Variants in SETX observed in about 807,000 individuals in gnomAD.
SETX encodes the protein senataxin.
SETX carries 90 observed loss-of-function variants against 227.2 expected under a neutral mutation model. The ratio of observed to expected loss-of-function variants is 0.40; its 90% confidence interval spans 0.33 to 0.47. SETX has a LOEUF of 0.47. Ranked by LOEUF, SETX falls within the 20% of genes least tolerant of loss-of-function variation. The probability of loss-of-function intolerance (pLI) is 0.91; values close to 1 mark genes in which losing one functional copy is unlikely to be tolerated. For missense variants in SETX, 3,052 were observed against 3,181.5 expected (o/e 0.96, Z 0.98); for synonymous variants, 1,210 against 1,113.2 (o/e 1.09, Z -1.73).
At position 132,278,771 on chromosome 9, in the gene SETX, G is replaced by T. The variant is rs566791240; in HGVS notation, c.6655-514C>A. Among the ~76,000 whole-genome samples, 9 of 152,312 alleles carry T rather than the reference G, an allele frequency of 5.9e-5. No individual in the cohort carries two copies. In the South Asian group the frequency reaches 1.9e-3, roughly 32 times the overall value. On this transcript the variant is annotated intron_variant, in intron 20 of 25. Transcript: ENST00000224140. Reference sequence around the variant, plus strand: ...CCAGTAATAAAGGAAATGTAACACAGATTTTAACAATTATTTCTGGGGGTA... The same window carrying T: ...CCAGTAATAAAGGAAATGTAACACATATTTTAACAATTATTTCTGGGGGTA...
Position 132,298,318 on chromosome 9 carries a change from A to G in SETX, c.5549-6T>C. The G allele has an allele frequency of 6.2e-7, 1 of 1,612,536 alleles. No individual in the cohort carries two copies. Among genetic ancestry groups the G allele is most frequent in the Non-Finnish European group, 8.5e-7 (1 of 1,178,700 alleles). ...CTCAGTTTTCCCATTACGCACTATC[A>G]TCAAGAAAGAGAAAAAGCAACTTCA... On this transcript the variant is annotated splice_region_variant and splice_polypyrimidine_tract_variant and intron_variant, in intron 12 of 25. Transcript: ENST00000224140.
At position 132,327,661 on chromosome 9, in the gene SETX, G is replaced by C. The variant is rs761226927; in HGVS notation, c.3937C>G (p.His1313Asp). The change falls in exon 10 of 26, where the codon CAT becomes GAT. Residue 1313 changes from histidine to aspartate, a missense_variant. By Grantham distance (81) the His-to-Asp change is moderately conservative. Transcript: ENST00000224140. ...TCAACTACTCCAACAGTTTTGCCATGATCACGTAATTGAGCTACATAATCC... is the reference window on the plus strand; with the variant it reads ...TCAACTACTCCAACAGTTTTGCCATCATCACGTAATTGAGCTACATAATCC... ...SLDYVAQLRDHGKTVGVVDTR... is the reference protein window; with the variant it reads ...SLDYVAQLRDDGKTVGVVDTR... 6.2e-7 allele frequency: 1 copy of C among 1,613,866 alleles called. No homozygotes were observed. The highest frequency in any genetic ancestry group is 8.5e-7 in the Non-Finnish European group (1 of 1,179,942).
At chr9:132,343,923 C>A (rs1848138623) in intron 4 of SETX, among the ~76,000 whole-genome samples, 1 of 152,040 alleles carries the variant, frequency 6.6e-6, no homozygotes, top group African/African-American at 2.4e-5. Flanking sequence ...TCCTACAGGG[C>A]AAATATATGG....
chr9:132,288,067 T>C (rs1345661854), intron 17 of SETX, among the ~76,000 whole-genome samples, 169 bp downstream of exon 17: 1 of 151,916 alleles, frequency 6.6e-6, no homozygotes, highest in African/African-American at 2.4e-5. Flanking sequence ...TCCCACCTAC[T>C]CGGGAGGCTG....
At chr9:132,344,987 A>G (rs971812716) in intron 4 of SETX, among the ~76,000 whole-genome samples, 4 of 152,362 alleles carry the variant, frequency 2.6e-5, no homozygotes, top group East Asian at 1.9e-4. Context: ...GACAGCTATA[A>G]TAAGCCATGC....
In SETX at chr9:132,349,393, A is replaced by G. The variant is rs1198947358; in HGVS notation, c.36T>C (p.Ala12=). Residue 12 remains alanine, a synonymous_variant, in exon 3 of 26, where the codon GCT becomes GCC. Coordinates refer to ENST00000224140, the MANE Select transcript of SETX (RefSeq NM_015046.7). The stretch of plus-strand genomic sequence containing the variant: ...AGCGCTTTAGGAAGTCAATGGTGGA[A>G]GCACCACCTGGCGTACACCAACAAC... ...STCCWCTPGG[A]STIDFLKRYA... is the part of the protein sequence containing the mutation. 14 of 1,614,084 alleles carry G rather than the reference A, an allele frequency of 8.7e-6. No individual in the cohort carries two copies. The highest frequency in any genetic ancestry group is 1.3e-5 in the African/African-American group (1 of 74,932).
chr9:132,283,484 T>C (rs1843659085), intron 18 of SETX, 71 bp from the exon 19 acceptor site: 4 of 1,524,948 alleles, frequency 2.6e-6, no homozygotes, highest in South Asian at 2.3e-5. Context: ...CTATGTTTAC[T>C]ATAAAACACT....
At chr9:132,276,982 G>C in intron 22 of SETX, 78 bp downstream of exon 22, 1 of 1,227,870 alleles carries the variant, frequency 8.1e-7, no homozygotes, top group South Asian at 1.2e-5. Context: ...TATAGGAAAT[G>C]TATTTAACAG....
chr9:132,341,468 T>C (rs999162447), intron 5 of SETX, among the ~76,000 whole-genome samples: 2 of 152,120 alleles, frequency 1.3e-5, no homozygotes, highest in Non-Finnish European at 2.9e-5. Flanking sequence ...CTCCCCTTCC[T>C]AAATATAAAT....
chr9:132,339,732 C>T (rs905367707), intron 5 of SETX, among the ~76,000 whole-genome samples: 1 of 152,154 alleles, frequency 6.6e-6, no homozygotes, highest in African/African-American at 2.4e-5. Context: ...CCTGCCTCAG[C>T]CTCCCAGGTA....
intron 11 of SETX, among the ~76,000 whole-genome samples, chr9:132,302,229 C>T (rs1845037508): frequency 6.6e-6 from 1 of 151,660 alleles, no homozygotes; most frequent in South Asian, 2.1e-4. Flanking sequence ...TGGTGGCAGG[C>T]ATCTGTAGTC....
intron 2 of SETX, among the ~76,000 whole-genome samples, chr9:132,351,990 T>C (rs1848628398): frequency 6.6e-6 from 1 of 152,220 alleles, no homozygotes; most frequent in Non-Finnish European, 1.5e-5. Flanking sequence ...TTCTACAGAC[T>C]TATCCTTAGG....
At chr9:132,351,671 T>G (rs1487031259) in intron 2 of SETX, among the ~76,000 whole-genome samples, 1 of 152,198 alleles carries the variant, frequency 6.6e-6, no homozygotes, top group East Asian at 1.9e-4. Flanking sequence ...AAATCATCAC[T>G]GGCCTAATGG....
intron 4 of SETX, among the ~76,000 whole-genome samples, chr9:132,345,746 G>A (rs1488435065): frequency 6.6e-6 from 1 of 152,204 alleles, no homozygotes; most frequent in African/African-American, 2.4e-5. Context: ...GCCAGGCATA[G>A]TGGCTCGTGC....
intron 11 of SETX, among the ~76,000 whole-genome samples, chr9:132,310,512 C>T (rs1285964591): frequency 6.6e-6 from 1 of 152,198 alleles, no homozygotes; most frequent in East Asian, 1.9e-4. Context: ...GCATGCTATC[C>T]TTCAAAAGAC....
At chr9:132,294,019 G>A (rs756941791) in intron 15 of SETX, among the ~76,000 whole-genome samples, 28 of 151,850 alleles carry the variant, frequency 1.8e-4, no homozygotes, top group African/African-American at 3.9e-4. Flanking sequence ...GTGAGACTCC[G>A]TCTCAAAAAT....
intron 15 of SETX, among the ~76,000 whole-genome samples, chr9:132,290,885 G>A (rs570414337): frequency 2.0e-5 from 3 of 151,798 alleles, no homozygotes; most frequent in Non-Finnish European, 4.4e-5. Context: ...TATATCACTG[G>A]GCTAAATTAT....
rs1432929948 is a variant in SETX at position 132,328,371 on chromosome 9, G to T, written c.3227C>A (p.Ser1076Tyr). 6.2e-7 allele frequency: 1 copy of T among 1,613,986 alleles called. No homozygotes were observed. The highest frequency in any genetic ancestry group is 8.5e-7 in the Non-Finnish European group (1 of 1,179,992). ...TTCAAACTCAAAACACTGAGAATCA[G>T]ATTCCTCAAACTGAAAAAGAGTCTC... ...KTETLFQFEE[S>Y]DSQCFEFESS... is the part of the protein sequence containing the mutation. The change falls in exon 10 of 26, where the codon TCT (serine) becomes TAT (tyrosine). Residue 1076 changes from serine to tyrosine, a missense_variant. Physicochemically the swap from Ser to Tyr is moderately radical, Grantham distance 144. Coordinates refer to ENST00000224140, the MANE Select transcript of SETX (RefSeq NM_015046.7).
intron 18 of SETX, 50 bp from the exon 19 acceptor site, chr9:132,283,463 C>T (rs183908975): frequency 3.8e-6 from 6 of 1,598,150 alleles, no homozygotes; most frequent in Non-Finnish European, 5.1e-6. Context: ...CAATCCTTGA[C>T]TATGACAGGC....
Sources: allele counts gnomAD v4.1 joint callset (sites outside exome capture counted in the v4.1 genomes callset), GRCh38; gene constraint gnomAD v4.1.1; transcripts MANE v1.5; gene names NCBI Gene and HGNC (gene_info 2026-07-23, HGNC 2026-07-21).